The following ENTREP1 variants were observed in gnomAD, a reference collection of about 807,000 sequenced individuals.
ENTREP1 encodes endosomal transmembrane epsin interactor 1, also known as Friedreich ataxia region gene X123.
chr9:69,337,355 A>G, the ENTREP1 span, among the ~76,000 whole-genome samples: 6 of 152,168 alleles, frequency 3.9e-5, no homozygotes, highest in African/African-American at 1.4e-4. Flanking sequence ...TCATGAATAT[A>G]TGACTTTTTA....
the ENTREP1 span, chr9:69,371,653 G>A: frequency 1.1e-5 from 14 of 1,298,516 alleles, no homozygotes; most frequent in African/African-American, 1.7e-4. Flanking sequence ...GCAGACCCTG[G>A]CTTGTCAGGT....
At chr9:69,361,521 TCATC>T in the ENTREP1 span, among the ~76,000 whole-genome samples, 2 of 152,342 alleles carry the variant, frequency 1.3e-5, no homozygotes, top group African/African-American at 4.8e-5. Flanking sequence ...TATAATTTGT[TCATC>T]CATTCTTCTG....
chr9:69,388,464 T>C, the ENTREP1 span: 7 of 1,565,340 alleles, frequency 4.5e-6, no homozygotes, highest in African/African-American at 9.6e-5. Flanking sequence ...GTTTTATTAT[T>C]AATCTCAGGC....
At chr9:69,356,207 C>T in the ENTREP1 span, among the ~76,000 whole-genome samples, 10 of 152,172 alleles carry the variant, frequency 6.6e-5, no homozygotes, top group Admixed American at 3.3e-4. Flanking sequence ...TTCTAGGTAT[C>T]GCATATAAGT....
chr9:69,366,347 A>G, the ENTREP1 span, among the ~76,000 whole-genome samples: 599 of 143,432 alleles, frequency 4.2e-3, 3 homozygotes, highest in Middle Eastern at 0.018. Flanking sequence ...TCTATCCACA[A>G]TCTTTGCCCA....
the ENTREP1 span, among the ~76,000 whole-genome samples, chr9:69,334,686 C>A: frequency 6.6e-6 from 1 of 152,044 alleles, no homozygotes; most frequent in Non-Finnish European, 1.5e-5. Context: ...TATCATTTCC[C>A]AATTGTTTAT....
At chr9:69,387,630 T>C in the ENTREP1 span, 1 of 259,552 alleles carries the variant, frequency 3.9e-6, no homozygotes, top group Non-Finnish European at 7.5e-6. Flanking sequence ...ATCCATGGTG[T>C]GAGCATCGAT....
At chr9:69,357,420 A>G in the ENTREP1 span, among the ~76,000 whole-genome samples, 1 of 152,226 alleles carries the variant, frequency 6.6e-6, no homozygotes, top group Non-Finnish European at 1.5e-5. Flanking sequence ...TTATAAAAAG[A>G]AAATCAGGGA....
the ENTREP1 span, among the ~76,000 whole-genome samples, chr9:69,367,850 A>C: frequency 8.8e-6 from 1 of 113,806 alleles, no homozygotes; most frequent in Non-Finnish European, 1.8e-5. Context: ...TATATATATA[A>C]ATATATACAC....
chr9:69,353,971 C>T, the ENTREP1 span, among the ~76,000 whole-genome samples: 10 of 152,238 alleles, frequency 6.6e-5, no homozygotes, highest in South Asian at 1.7e-3. Context: ...AATCAACACA[C>T]GTCCAGACTT....
At chr9:69,367,720 T>TATATAAATATATATATACAC in the ENTREP1 span, among the ~76,000 whole-genome samples, 18 of 63,068 alleles carry the variant, frequency 2.9e-4, no homozygotes, top group Admixed American at 6.4e-4. Flanking sequence ...TATATACACA[T>TATATAAATATATATATACAC]ATATATAAAA....
the ENTREP1 span, among the ~76,000 whole-genome samples, chr9:69,348,253 T>C: frequency 6.6e-6 from 1 of 152,124 alleles, no homozygotes; most frequent in East Asian, 1.9e-4. Flanking sequence ...GTTGGGACTA[T>C]AGGCATGTGC....
At chr9:69,365,734 G>A in the ENTREP1 span, among the ~76,000 whole-genome samples, 1 of 151,968 alleles carries the variant, frequency 6.6e-6, no homozygotes, top group Admixed American at 6.6e-5. Flanking sequence ...CTCTCGATGA[G>A]ATTAACTGTT....
At chr9:69,334,106 A>G in the ENTREP1 span, among the ~76,000 whole-genome samples, 3 of 152,216 alleles carry the variant, frequency 2.0e-5, no homozygotes, top group Non-Finnish European at 4.4e-5. Context: ...AGTCTTTAGA[A>G]GCTGAGTGGG....
At chr9:69,360,878 A>T in the ENTREP1 span, among the ~76,000 whole-genome samples, 1 of 143,634 alleles carries the variant, frequency 7.0e-6, no homozygotes, top group Non-Finnish European at 1.5e-5. Flanking sequence ...ACACATTTAA[A>T]AAATCTTGCA....
At chr9:69,340,230 T>G in the ENTREP1 span, among the ~76,000 whole-genome samples, 2 of 152,246 alleles carry the variant, frequency 1.3e-5, no homozygotes, top group Non-Finnish European at 2.9e-5. Context: ...AGGGGAAGGA[T>G]GCTCTTTTTC....
chr9:69,371,558 C>T, the ENTREP1 span: 2 of 1,613,914 alleles, frequency 1.2e-6, no homozygotes, highest in African/African-American at 1.3e-5. Flanking sequence ...CTGGATTTAT[C>T]CTAGGCTGCC....
At chr9:69,324,817 G>A in the ENTREP1 span, 2 of 985,224 alleles carry the variant, frequency 2.0e-6, no homozygotes, top group African/African-American at 3.5e-5. Context: ...CTCGTGGCTG[G>A]ACAGAGAAGG....
chr9:69,343,824 A>AG, the ENTREP1 span, among the ~76,000 whole-genome samples: 1 of 152,334 alleles, frequency 6.6e-6, no homozygotes, highest in South Asian at 2.1e-4. Context: ...GATAAAGATA[A>AG]GGGAAGCAAG....
Sources: allele counts gnomAD v4.1 joint callset (sites outside exome capture counted in the v4.1 genomes callset), GRCh38; gene constraint gnomAD v4.1.1; transcripts MANE v1.5; gene names NCBI Gene and HGNC (gene_info 2026-07-23, HGNC 2026-07-21).